The following SLC6A15 variants were observed in gnomAD, a reference collection of about 807,000 sequenced individuals.
The protein encoded by SLC6A15 is solute carrier family 6 member 15.
A neutral mutation model predicts 68.5 loss-of-function variants in SLC6A15; 33 were observed. That is an observed-to-expected ratio of 0.48 (90% confidence interval 0.37 to 0.64). The LOEUF (loss-of-function observed/expected upper bound fraction) is 0.64. Among genes scored for constraint, SLC6A15 ranks in the 30% least tolerant of loss-of-function variants. SLC6A15 has a pLI of 0.00. For missense variants in SLC6A15, 747 were observed against 874.3 expected (o/e 0.85, Z 1.84); for synonymous variants, 347 against 301.0 (o/e 1.15, Z -1.58).
intron 1 of SLC6A15, among the ~76,000 whole-genome samples, chr12:84,899,236 G>A (rs1424808005): frequency 6.6e-6 from 1 of 152,080 alleles, no homozygotes; most frequent in Admixed American, 6.6e-5. Context: ...TCAAACCTAA[G>A]TCCATACTGA....
chr12:84,911,429 G>A (rs1292644244), intron 1 of SLC6A15, among the ~76,000 whole-genome samples: 1 of 152,152 alleles, frequency 6.6e-6, no homozygotes, highest in Non-Finnish European at 1.5e-5. Flanking sequence ...TTACGTCACT[G>A]CGCCGGAGTC....
intron 5 of SLC6A15, chr12:84,883,489 A>C: frequency 8.1e-7 from 1 of 1,230,554 alleles, no homozygotes; most frequent in Non-Finnish European, 1.0e-6. Context: ...AAAATGAATG[A>C]ATTACTCATT....
At chr12:84,866,893 T>C in intron 10 of SLC6A15, 141 bp downstream of exon 10, 1 of 639,594 alleles carries the variant, frequency 1.6e-6, no homozygotes. Flanking sequence ...GTTGAATCAG[T>C]GAGAGCCTGC....
chr12:84,883,713 T>A (rs996123890), intron 5 of SLC6A15, 146 bp downstream of exon 5: 2 of 1,589,714 alleles, frequency 1.3e-6, no homozygotes, highest in African/African-American at 2.7e-5. Flanking sequence ...AGCACACTTT[T>A]GAAGTGTCAC....
intron 5 of SLC6A15, among the ~76,000 whole-genome samples, chr12:84,880,523 T>A (rs1179072720): frequency 6.6e-6 from 1 of 152,224 alleles, no homozygotes; most frequent in African/African-American, 2.4e-5. Flanking sequence ...ACAGGCACAT[T>A]GTTTACCTTG....
Position 84,890,410 on chromosome 12 carries a change from T to C in SLC6A15, c.289+1422A>G, listed in dbSNP as rs527428609. Among the ~76,000 whole-genome samples the C allele has an allele frequency of 1.7e-4, 26 of 152,224 alleles. No individual in the cohort carries two copies. The South Asian group carries it at 5.1e-3, about 30-fold the overall frequency. On this transcript the variant is annotated intron_variant, in intron 2 of 11. Coordinates refer to ENST00000266682, the MANE Select transcript of SLC6A15 (RefSeq NM_182767.6). ...ATACGACTTACAAGGCAAAAAAGTC[T>C]TAAAACCAGAATTGATATTCTGCTA...
chr12:84,909,453 T>C (rs1873336886), intron 1 of SLC6A15, among the ~76,000 whole-genome samples: 1 of 152,172 alleles, frequency 6.6e-6, no homozygotes, highest in Non-Finnish European at 1.5e-5. Flanking sequence ...CTGGTCAAAG[T>C]TAATATTTAA....
At chr12:84,904,224 G>GGAGAGAGA (rs370457657) in intron 1 of SLC6A15, among the ~76,000 whole-genome samples, 4,490 of 121,884 alleles carry the variant, frequency 0.037, 118 homozygotes, top group Admixed American at 0.067. Flanking sequence ...GGGCGGAGGG[G>GGAGAGAGA]GAGAGAGAGA....
In SLC6A15 at chr12:84,891,852, A is replaced by G. The variant is rs1872411339; in HGVS notation, c.269T>C (p.Leu90Pro). ...GLGNVWRFPYLCQKNGGGAYL... is the reference protein window; with the variant it reads ...GLGNVWRFPYPCQKNGGGAYL... ...CTTACCGCCCCCATTCTTCTGACATAGGTATGGAAATCGCCACACATTTCC... is the reference window on the plus strand; with the variant it reads ...CTTACCGCCCCCATTCTTCTGACATGGGTATGGAAATCGCCACACATTTCC... The change falls in exon 2 of 12, where the codon CTA (leucine) becomes CCA (proline). Residue 90 changes from leucine to proline, a missense_variant. Transcript: ENST00000266682. 1 of 1,613,444 alleles carries G rather than the reference A, an allele frequency of 6.2e-7. No homozygotes were observed. The highest frequency in any genetic ancestry group is 8.5e-7 in the Non-Finnish European group (1 of 1,179,576).
chr12:84,883,379 A>G, intron 5 of SLC6A15: 1 of 1,009,212 alleles, frequency 9.9e-7, no homozygotes, highest in Non-Finnish European at 1.2e-6. Context: ...TGATGTTCAG[A>G]GCTTTAAGAA....
At chr12:84,900,713 C>T (rs1011197262) in intron 1 of SLC6A15, among the ~76,000 whole-genome samples, 1 of 151,456 alleles carries the variant, frequency 6.6e-6, no homozygotes, top group East Asian at 1.9e-4. Flanking sequence ...CATATCAGTT[C>T]TTCATCTATT....
chr12:84,904,960 C>A (rs1260871484), intron 1 of SLC6A15, among the ~76,000 whole-genome samples: 1 of 152,094 alleles, frequency 6.6e-6, no homozygotes, highest in Non-Finnish European at 1.5e-5. Flanking sequence ...CAAAAGAAAT[C>A]TCACTGGAAA....
At chr12:84,887,707 T>G (rs1872181130) in intron 2 of SLC6A15, among the ~76,000 whole-genome samples, 1 of 151,084 alleles carries the variant, frequency 6.6e-6, no homozygotes, top group African/African-American at 2.5e-5. Flanking sequence ...TGTGAATGAG[T>G]AAGAAAAAAG....
chr12:84,893,155 T>G (rs1422194520), intron 1 of SLC6A15, among the ~76,000 whole-genome samples: 1 of 152,192 alleles, frequency 6.6e-6, no homozygotes, highest in African/African-American at 2.4e-5. Flanking sequence ...GTACAAAGCA[T>G]GTTTTTAAGG....
chr12:84,911,101 G>A (rs569799154), intron 1 of SLC6A15, among the ~76,000 whole-genome samples: 5 of 152,292 alleles, frequency 3.3e-5, no homozygotes, highest in Admixed American at 6.5e-5. Context: ...TGATCTTGCA[G>A]AAATGAGGTT....
chr12:84,894,974 T>C (rs1195510728), intron 1 of SLC6A15, among the ~76,000 whole-genome samples: 1 of 152,094 alleles, frequency 6.6e-6, no homozygotes, highest in Non-Finnish European at 1.5e-5. Context: ...GGTATTTGCA[T>C]GCATTAAAAG....
chr12:84,884,127 C>A (rs961166543), intron 4 of SLC6A15, 87 bp from the exon 5 acceptor site: 17 of 1,063,432 alleles, frequency 1.6e-5, no homozygotes, highest in Non-Finnish European at 4.2e-6. Context: ...TAAGTGAATT[C>A]TTAATGCTTC....
chr12:84,900,870 A>T (rs12297751), intron 1 of SLC6A15, among the ~76,000 whole-genome samples: 2,483 of 150,572 alleles, frequency 0.016, 77 homozygotes, highest in African/African-American at 0.056. Context: ...TTTCAACTAC[A>T]TTCATAGGAA....
chr12:84,903,058 GT>G (rs1474957895), intron 1 of SLC6A15, among the ~76,000 whole-genome samples: 1 of 152,104 alleles, frequency 6.6e-6, no homozygotes, highest in Admixed American at 6.6e-5. Context: ...GATGTTAGTG[GT>G]GGGGAAGTCG....
Sources: allele counts gnomAD v4.1 joint callset (sites outside exome capture counted in the v4.1 genomes callset), GRCh38; gene constraint gnomAD v4.1.1; transcripts MANE v1.5; gene names NCBI Gene and HGNC (gene_info 2026-07-23, HGNC 2026-07-21).